Variants in CLSTN2 observed in about 807,000 individuals in gnomAD.
The protein encoded by CLSTN2 is calsyntenin-2.
A neutral mutation model predicts 101.2 loss-of-function variants in CLSTN2; 48 were observed. The observed-to-expected ratio is 0.47, with a 90% CI of 0.38 to 0.60. The LOEUF (loss-of-function observed/expected upper bound fraction) is 0.60, where lower values mean the gene tolerates loss of function less well. Ranked by LOEUF, CLSTN2 falls within the 20% of genes least tolerant of loss-of-function variation. CLSTN2 has a pLI of 0.00. For missense variants in CLSTN2, 1,160 were observed against 1,238.2 expected (o/e 0.94, Z 0.95); for synonymous variants, 481 against 463.6 (o/e 1.04, Z -0.48).
chr3:140,503,123 C>T (rs1934614662), intron 8 of CLSTN2, among the ~76,000 whole-genome samples: 1 of 152,286 alleles, frequency 6.6e-6, no homozygotes, highest in Non-Finnish European at 1.5e-5. Flanking sequence ...GCTCTCCTGC[C>T]TCCCTCTTTA....
chr3:140,028,512 T>C (rs372077749), intron 1 of CLSTN2, among the ~76,000 whole-genome samples: 2 of 152,174 alleles, frequency 1.3e-5, no homozygotes, highest in Non-Finnish European at 2.9e-5. Context: ...AGGATACAGA[T>C]ACCGTATTTC....
chr3:140,206,418 G>C (rs1441307447), intron 2 of CLSTN2, among the ~76,000 whole-genome samples: 3 of 152,188 alleles, frequency 2.0e-5, no homozygotes, highest in African/African-American at 7.2e-5. Flanking sequence ...CAGAGATTTG[G>C]CAAAGTGGCC....
intron 1 of CLSTN2, among the ~76,000 whole-genome samples, chr3:140,019,259 G>GTTA (rs768418535): frequency 6.6e-6 from 1 of 152,212 alleles, no homozygotes; most frequent in African/African-American, 2.4e-5. Context: ...TTGTTTAGAT[G>GTTA]TTATTAACAC....
intron 1 of CLSTN2, among the ~76,000 whole-genome samples, chr3:140,081,367 G>A (rs1188857625): frequency 6.6e-6 from 1 of 152,200 alleles, no homozygotes; most frequent in African/African-American, 2.4e-5. Flanking sequence ...CAAGGTTGAT[G>A]TTTCTCCTCT....
chr3:140,523,701 G>T (rs1289352080), intron 8 of CLSTN2, among the ~76,000 whole-genome samples: 1 of 152,160 alleles, frequency 6.6e-6, no homozygotes, highest in Non-Finnish European at 1.5e-5. Context: ...GTCAGAACAT[G>T]ATTCCCTAGA....
At chr3:140,223,263 T>G (rs4629292) in intron 2 of CLSTN2, among the ~76,000 whole-genome samples, 81,215 of 152,070 alleles carry the variant, frequency 0.53, 22,362 homozygotes, top group East Asian at 0.88. Flanking sequence ...AAAAGTTTGT[T>G]ATGATTGTGG....
At chr3:140,228,504 T>C (rs902120123) in intron 2 of CLSTN2, among the ~76,000 whole-genome samples, 1 of 152,188 alleles carries the variant, frequency 6.6e-6, no homozygotes, top group Non-Finnish European at 1.5e-5. Flanking sequence ...TGAAAACTGT[T>C]TCAACCTCTG....
intron 2 of CLSTN2, among the ~76,000 whole-genome samples, chr3:140,367,704 G>A (rs867253786): frequency 3.9e-5 from 6 of 152,208 alleles, no homozygotes; most frequent in Middle Eastern, 6.8e-3. Context: ...TTTAATACAC[G>A]AGGTCCCTAA....
At chr3:140,482,920 A>G (rs1011766845) in intron 8 of CLSTN2, among the ~76,000 whole-genome samples, 2 of 151,740 alleles carry the variant, frequency 1.3e-5, no homozygotes, top group African/African-American at 4.8e-5. Flanking sequence ...TTTTTTGAAG[A>G]GTCTTTTTTG....
chr3:140,341,759 T>G (rs1390970750), intron 2 of CLSTN2, among the ~76,000 whole-genome samples: 1 of 152,194 alleles, frequency 6.6e-6, no homozygotes, highest in Non-Finnish European at 1.5e-5. Flanking sequence ...ACATTGAAAT[T>G]AGATAGCTTT....
At chr3:140,284,702 A>G (rs2086880322) in intron 2 of CLSTN2, among the ~76,000 whole-genome samples, 1 of 152,088 alleles carries the variant, frequency 6.6e-6, no homozygotes, top group African/African-American at 2.4e-5. Flanking sequence ...GTTCCCTGTT[A>G]ATCTTCAAGT....
intron 1 of CLSTN2, among the ~76,000 whole-genome samples, chr3:139,974,927 T>C (rs534849576): frequency 6.6e-6 from 1 of 152,106 alleles, no homozygotes; most frequent in East Asian, 1.9e-4. Context: ...GGTGGGATGG[T>C]AGTGGTGTGG....
intron 8 of CLSTN2, among the ~76,000 whole-genome samples, chr3:140,521,048 ATTTTT>A (rs57840726): frequency 4.0e-5 from 5 of 125,492 alleles, no homozygotes; most frequent in African/African-American, 1.2e-4. Context: ...GCTTTTTTGC[ATTTTT>A]TTTTTTTTTT....
chr3:140,450,548 T>C (rs1933219960), intron 6 of CLSTN2, among the ~76,000 whole-genome samples: 1 of 152,158 alleles, frequency 6.6e-6, no homozygotes, highest in Non-Finnish European at 1.5e-5. Context: ...TTTGGGAGCT[T>C]AGGAAAGGGC....
intron 1 of CLSTN2, among the ~76,000 whole-genome samples, chr3:140,113,846 TTG>T (rs1013084145): frequency 1.3e-5 from 2 of 152,046 alleles, no homozygotes; most frequent in African/African-American, 2.4e-5. Flanking sequence ...AATGGAGCAA[TTG>T]TGTGTGTGTA....
intron 8 of CLSTN2, among the ~76,000 whole-genome samples, chr3:140,477,662 G>A (rs1177221314): frequency 6.6e-6 from 1 of 152,148 alleles, no homozygotes; most frequent in African/African-American, 2.4e-5. Flanking sequence ...AAAGGTGTTG[G>A]ACCAAGCACC....
intron 1 of CLSTN2, among the ~76,000 whole-genome samples, chr3:140,000,973 G>T (rs1271196205): frequency 6.6e-6 from 1 of 152,158 alleles, no homozygotes; most frequent in Non-Finnish European, 1.5e-5. Context: ...GAAGGCGCTT[G>T]TTGGACTGCA....
chr3:140,526,222 G>T (rs1180509408), intron 8 of CLSTN2, among the ~76,000 whole-genome samples: 3 of 152,104 alleles, frequency 2.0e-5, no homozygotes, highest in South Asian at 4.1e-4. Context: ...AAAGTTTCAG[G>T]ATACAAAATT....
intron 1 of CLSTN2, among the ~76,000 whole-genome samples, chr3:140,134,315 A>G (rs79828944): frequency 0.019 from 2,821 of 152,254 alleles, 96 homozygotes; most frequent in African/African-American, 0.064. Context: ...TTTCCACTGC[A>G]GTTAGAACTC....
Sources: gnomAD v4.1 joint callset for allele counts (sites outside exome capture counted in the v4.1 genomes callset) on GRCh38, gnomAD v4.1.1 for gene constraint, MANE v1.5 for transcripts, NCBI Gene and HGNC (gene_info 2026-07-23, HGNC 2026-07-21) for gene names.